Variants in FANK1 observed in about 807,000 individuals in gnomAD.
FANK1 encodes fibronectin type III and ankyrin repeat domains 1.
Under a neutral mutation model 45.3 loss-of-function variants are expected in FANK1, and 44 were observed. The observed-to-expected ratio is 0.97, with a 90% CI of 0.76 to 1.25. The LOEUF is 1.25. FANK1 is among the 50% of genes most tolerant of loss of function. FANK1 has a pLI of 0.00. For synonymous variants in FANK1, 149 were observed against 152.5 expected, an observed-to-expected ratio of 0.98 and a Z score of 0.17; for missense variants, 391 against 424.4, an observed-to-expected ratio of 0.92 and a Z score of 0.69.
intron 1 of FANK1, among the ~76,000 whole-genome samples, chr10:125,977,073 C>A (rs929497226): frequency 2.0e-5 from 3 of 152,072 alleles, no homozygotes; most frequent in African/African-American, 4.8e-5. Flanking sequence ...TCTCAGTGAT[C>A]TTTGTTCCTA....
chr10:125,903,515 C>T (rs1589768479), intron 1 of FANK1, among the ~76,000 whole-genome samples: 1 of 152,180 alleles, frequency 6.6e-6, no homozygotes. Context: ...CCCCACACCC[C>T]TGCCTCCTCC....
chr10:125,927,478 T>A (rs1329860104), intron 1 of FANK1, among the ~76,000 whole-genome samples: 2 of 152,216 alleles, frequency 1.3e-5, no homozygotes, highest in Non-Finnish European at 2.9e-5. Context: ...TTGCACAATA[T>A]GTTTATCTGT....
chr10:125,922,970 T>G (rs986583257), intron 1 of FANK1, among the ~76,000 whole-genome samples: 4 of 152,112 alleles, frequency 2.6e-5, no homozygotes, highest in Admixed American at 2.6e-4. Flanking sequence ...TCTCTCAGTT[T>G]GTGTTAGTGG....
chr10:125,927,602 T>C (rs189695935), intron 1 of FANK1, among the ~76,000 whole-genome samples: 1 of 151,708 alleles, frequency 6.6e-6, no homozygotes, highest in Non-Finnish European at 1.5e-5. Context: ...CAAGCTGGAG[T>C]GCAATGGCGC....
chr10:125,978,318 T>TA (rs3067248), intron 1 of FANK1, among the ~76,000 whole-genome samples: 1 of 151,726 alleles, frequency 6.6e-6, no homozygotes, highest in Non-Finnish European at 1.5e-5. Flanking sequence ...GGGACCCACT[T>TA]AAAAAAGTGG....
intron 1 of FANK1, among the ~76,000 whole-genome samples, chr10:125,963,678 G>C (rs1950052692): frequency 6.6e-6 from 1 of 152,124 alleles, no homozygotes; most frequent in South Asian, 2.1e-4. Flanking sequence ...TCACTCATAG[G>C]TGGGAATTGA....
chr10:125,918,004 T>G lies in FANK1; in HGVS notation c.13+21349T>G, dbSNP rs1434411704. ...TGAGGTGGGTTGGATCACTCGAATC[T>G]GGGGGTTCAAGCTTTCAGTGAATTA... On this transcript the variant is annotated intron_variant, in intron 1 of 10. Transcript: ENST00000368693. Among the ~76,000 whole-genome samples the G allele has an allele frequency of 2.0e-5, 3 of 152,110 alleles. No homozygotes were observed. The East Asian group carries it at 5.8e-4, about 29-fold the overall frequency.
intron 1 of FANK1, among the ~76,000 whole-genome samples, chr10:125,954,433 G>A (rs1214641154): frequency 6.6e-6 from 1 of 152,180 alleles, no homozygotes; most frequent in African/African-American, 2.4e-5. Context: ...CCCATCATCA[G>A]TGCTCAGTTA....
At chr10:125,916,881 G>A (rs1263138464) in intron 1 of FANK1, among the ~76,000 whole-genome samples, 11 of 152,164 alleles carry the variant, frequency 7.2e-5, no homozygotes, top group Admixed American at 7.2e-4. Context: ...AGGCCCTTGG[G>A]TGAGAGGTGC....
intron 1 of FANK1, among the ~76,000 whole-genome samples, chr10:125,920,417 T>C (rs1946861783): frequency 1.3e-5 from 2 of 152,194 alleles, no homozygotes; most frequent in African/African-American, 4.8e-5. Flanking sequence ...ATTCACTAGA[T>C]TGGTTAAGCA....
At chr10:126,002,633 T>C (rs1350661728) in intron 6 of FANK1, among the ~76,000 whole-genome samples, 2 of 152,202 alleles carry the variant, frequency 1.3e-5, no homozygotes, top group Admixed American at 1.3e-4. Flanking sequence ...GAGAAGATCT[T>C]CTGTTTTATT....
intron 7 of FANK1, among the ~76,000 whole-genome samples, chr10:126,007,515 A>G (rs1028960821): frequency 7.2e-5 from 11 of 152,244 alleles, no homozygotes; most frequent in African/African-American, 2.7e-4. Flanking sequence ...ATAATCTTAT[A>G]TGTAGAAATA....
intron 6 of FANK1, among the ~76,000 whole-genome samples, chr10:126,002,592 A>T (rs2134227521): frequency 6.6e-6 from 1 of 152,278 alleles, no homozygotes; most frequent in African/African-American, 2.4e-5. Flanking sequence ...TATTCCAGTT[A>T]TCACTCAGAG....
chr10:126,000,807 G>C (rs1267526637), intron 6 of FANK1, among the ~76,000 whole-genome samples: 4 of 152,038 alleles, frequency 2.6e-5, no homozygotes, highest in Non-Finnish European at 4.4e-5. Flanking sequence ...TTAATGTACA[G>C]AACACACACA....
chr10:125,906,377 A>G (rs1453900461), intron 1 of FANK1, among the ~76,000 whole-genome samples: 1 of 151,886 alleles, frequency 6.6e-6, no homozygotes, highest in Admixed American at 6.6e-5. Flanking sequence ...TCAGCTGGGC[A>G]TGGTGGTGTG....
intron 1 of FANK1, chr10:125,973,448 TCAC>T (rs1488400368): frequency 3.0e-6 from 3 of 985,318 alleles, no homozygotes; most frequent in South Asian, 4.7e-5. Context: ...CATTGTGACA[TCAC>T]CAGCCAGAAT....
intron 1 of FANK1, among the ~76,000 whole-genome samples, chr10:125,951,492 A>G (rs1949228133): frequency 6.6e-6 from 1 of 152,184 alleles, no homozygotes; most frequent in African/African-American, 2.4e-5. Context: ...TAGGGACGGA[A>G]GTCAACACAT....
At chr10:125,904,709 T>C (rs73383051) in intron 1 of FANK1, among the ~76,000 whole-genome samples, 41 of 140,972 alleles carry the variant, frequency 2.9e-4, no homozygotes, top group East Asian at 1.5e-3. Flanking sequence ...CTTTTGGGCT[T>C]GTGTTCATGT....
chr10:125,900,056 A>G (rs1245369514), intron 1 of FANK1, among the ~76,000 whole-genome samples: 3 of 152,292 alleles, frequency 2.0e-5, no homozygotes, highest in African/African-American at 7.2e-5. Context: ...CAATAAACAT[A>G]AACTCTTCAG....
Sources: gnomAD v4.1 joint callset for allele counts (sites outside exome capture counted in the v4.1 genomes callset) on GRCh38, gnomAD v4.1.1 for gene constraint, MANE v1.5 for transcripts, NCBI Gene and HGNC (gene_info 2026-07-23, HGNC 2026-07-21) for gene names.